RBM25: variants seen among roughly 807,000 people sequenced by gnomAD.
The protein encoded by RBM25 is RNA-binding protein 25.
RBM25 carries 19 observed loss-of-function variants against 120.7 expected under a neutral mutation model. That is an observed-to-expected ratio of 0.16 (90% CI 0.11 to 0.23). The LOEUF (loss-of-function observed/expected upper bound fraction) is 0.23. Ranked by LOEUF, RBM25 falls within the 10% of genes least tolerant of loss-of-function variation. RBM25 has a pLI of 1.00. For missense variants in RBM25, 605 were observed against 1,041.5 expected (o/e 0.58, Z 5.77); for synonymous variants, 390 against 326.7 (o/e 1.19, Z -2.09).
chr14:73,088,596 A>G (rs992063220), intron 6 of RBM25: 6 of 345,482 alleles, frequency 1.7e-5, no homozygotes, highest in African/African-American at 1.3e-4. Flanking sequence ...GCTTTATCCA[A>G]GCTCTACTAA....
intron 6 of RBM25, among the ~76,000 whole-genome samples, chr14:73,094,997 C>T (rs1458783037): frequency 6.6e-6 from 1 of 151,668 alleles, no homozygotes; most frequent in Non-Finnish European, 1.5e-5. Context: ...GCTGAGATTA[C>T]AGGCACATGT....
At chr14:73,119,307 CTG>C (rs1896497909) in intron 18 of RBM25, among the ~76,000 whole-genome samples, 1 of 151,824 alleles carries the variant, frequency 6.6e-6, no homozygotes, top group African/African-American at 2.4e-5. Flanking sequence ...GAGTCTTGCT[CTG>C]TTGCTCAGGC....
intron 12 of RBM25, 131 bp downstream of exon 12, chr14:73,106,416 A>AT: frequency 1.3e-6 from 1 of 743,588 alleles, no homozygotes; most frequent in South Asian, 4.4e-5. Flanking sequence ...ATTTTTATGT[A>AT]TTTTGAGTAA....
intron 2 of RBM25, among the ~76,000 whole-genome samples, chr14:73,072,651 A>G (rs1419181987): frequency 1.3e-5 from 2 of 152,214 alleles, no homozygotes; most frequent in Non-Finnish European, 2.9e-5. Flanking sequence ...CCTGAAGTAC[A>G]TAGTGAACAT....
At chr14:73,068,109 C>T (rs530692750) in intron 1 of RBM25, 10 of 715,304 alleles carry the variant, frequency 1.4e-5, no homozygotes, top group African/African-American at 1.8e-5. Flanking sequence ...AACTTTACCT[C>T]GTTCACAGAC....
At chr14:73,061,522 A>G (rs2140417971) in intron 1 of RBM25, among the ~76,000 whole-genome samples, 1 of 151,222 alleles carries the variant, frequency 6.6e-6, no homozygotes, top group Non-Finnish European at 1.5e-5. Context: ...CCCCAGTTTC[A>G]GGCAAGCCCT....
chr14:73,078,335 A>C (rs1324656924), intron 4 of RBM25, among the ~76,000 whole-genome samples: 1 of 151,608 alleles, frequency 6.6e-6, no homozygotes, highest in Admixed American at 6.6e-5. Context: ...AAAAATAAAA[A>C]TAAAAAAAAA....
At position 73,110,814 on chromosome 14, in the gene RBM25, T is replaced by C; in HGVS notation, c.1693-17T>C. ...GGTGTAGAGTTGTAGTTAATCAGATTATTGTTTGGGTTTTAGATGGAACAA... is the reference window on the plus strand; with the variant it reads ...GGTGTAGAGTTGTAGTTAATCAGATCATTGTTTGGGTTTTAGATGGAACAA... On this transcript the variant is annotated splice_polypyrimidine_tract_variant and intron_variant, in intron 14 of 18. Coordinates refer to ENST00000261973, the MANE Select transcript of RBM25 (RefSeq NM_021239.3). 1 of 1,589,426 alleles carries C rather than the reference T, an allele frequency of 6.3e-7. No homozygotes were observed. The highest frequency in any genetic ancestry group is 8.5e-7 in the Non-Finnish European group (1 of 1,172,600).
chr14:73,077,859 A>T (rs188887029), intron 4 of RBM25, among the ~76,000 whole-genome samples: 1 of 152,228 alleles, frequency 6.6e-6, no homozygotes, highest in Non-Finnish European at 1.5e-5. Flanking sequence ...TCACAATGCC[A>T]CTATCACACA....
intron 1 of RBM25, among the ~76,000 whole-genome samples, chr14:73,061,917 T>G (rs1895014130): frequency 6.6e-6 from 1 of 151,342 alleles, no homozygotes; most frequent in Non-Finnish European, 1.5e-5. Context: ...CAGGCTGGAG[T>G]GCAGTGGCTA....
chr14:73,061,780 C>T (rs936247608), intron 1 of RBM25, among the ~76,000 whole-genome samples: 4 of 151,188 alleles, frequency 2.6e-5, no homozygotes, highest in Admixed American at 6.6e-5. Flanking sequence ...GTTGCCCAGG[C>T]GGGTCTGGAA....
intron 4 of RBM25, among the ~76,000 whole-genome samples, chr14:73,082,221 T>C (rs1479631056): frequency 6.6e-6 from 1 of 152,204 alleles, no homozygotes; most frequent in Admixed American, 6.5e-5. Flanking sequence ...TTCCATTAGT[T>C]TTCTCTTGTT....
intron 7 of RBM25, 31 bp downstream of exon 7, chr14:73,097,131 T>G: frequency 1.3e-6 from 2 of 1,528,390 alleles, no homozygotes; most frequent in Non-Finnish European, 1.8e-6. Context: ...ATATCATTTC[T>G]ACCGTTTGTT....
chr14:73,077,027 G>A (rs1282131088), intron 3 of RBM25, among the ~76,000 whole-genome samples: 1 of 152,220 alleles, frequency 6.6e-6, no homozygotes, highest in Non-Finnish European at 1.5e-5. Flanking sequence ...GTTGCAGTGA[G>A]CCGAGATTAT....
chr14:73,111,506 T>G lies in RBM25; in HGVS notation c.2018-22T>G, dbSNP rs367685325. The G allele has an allele frequency of 7.7e-4, 1,211 of 1,567,520 alleles. 1 individual carries two copies. The highest frequency in any genetic ancestry group is 8.5e-4 in the Non-Finnish European group (986 of 1,161,628). On this transcript the variant is annotated intron_variant, in intron 15 of 18. Coordinates refer to ENST00000261973, the MANE Select transcript of RBM25 (RefSeq NM_021239.3). ...ACATTTGGAAATTAAGTCATCTTGC[T>G]AAGAGAGTGTTTTTACTGTAGGTGC...
rs534227699 is a variant in RBM25, at chr14:73,058,803, G to C, written c.-16+98G>C. The C allele has an allele frequency of 4.0e-5, 6 of 151,768 alleles. No homozygotes were observed. In the South Asian group the frequency reaches 6.3e-4, roughly 16 times the overall value. The allele number at this position is 151,768 out of a possible 1,614,324, so 9.4% of individuals were successfully genotyped here. A position where few individuals can be genotyped will look rare whatever the true frequency, so the allele number is the denominator to read the frequency against. The stretch of plus-strand genomic sequence containing the variant: ...GGGGTGGCTGCGAAAGCGCCAGGGT[G>C]GGGTAGAGGTAAGGGGGAGCGCGGA... On this transcript the variant is annotated intron_variant, in intron 1 of 18. Coordinates refer to ENST00000261973, the MANE Select transcript of RBM25 (RefSeq NM_021239.3).
chr14:73,105,272 G>T (rs1896160689), intron 10 of RBM25, among the ~76,000 whole-genome samples: 4 of 151,784 alleles, frequency 2.6e-5, no homozygotes, highest in Admixed American at 2.6e-4. Context: ...CATGCCTCCT[G>T]GCCTCAAGCA....
chr14:73,085,524 A>G (rs1254894784), intron 5 of RBM25, among the ~76,000 whole-genome samples: 1 of 149,998 alleles, frequency 6.7e-6, no homozygotes, highest in East Asian at 2.0e-4. Context: ...AGCTCGCTGC[A>G]ACCTCCGCCT....
intron 4 of RBM25, among the ~76,000 whole-genome samples, chr14:73,080,910 G>A (rs185044281): frequency 3.7e-5 from 5 of 134,730 alleles, no homozygotes; most frequent in Admixed American, 2.3e-4. Flanking sequence ...CTGCAACCTC[G>A]CCATCCGGGG....
Sources: allele counts gnomAD v4.1 joint callset (sites outside exome capture counted in the v4.1 genomes callset), GRCh38; gene constraint gnomAD v4.1.1; transcripts MANE v1.5; gene names NCBI Gene and HGNC (gene_info 2026-07-23, HGNC 2026-07-21).